MTCH2: variants seen among roughly 807,000 people sequenced by gnomAD.
The protein encoded by MTCH2 is mitochondrial carrier homolog 2.
A neutral mutation model predicts 50.6 loss-of-function variants in MTCH2; 25 were observed. The observed-to-expected ratio is 0.49, with a 90% confidence interval of 0.36 to 0.69. MTCH2 has a LOEUF of 0.69. Among genes scored for constraint, MTCH2 ranks in the 30% least tolerant of loss-of-function variants. The pLI is 0.00. For missense variants in MTCH2, 273 were observed against 384.4 expected, an observed-to-expected ratio of 0.71 and a Z score of 2.42; for synonymous variants, 106 against 132.0, an observed-to-expected ratio of 0.80 and a Z score of 1.35.
chr11:47,627,167 A>T (rs2097298951), intron 9 of MTCH2, 40 bp from the exon 10 acceptor site: 1 of 1,325,674 alleles, frequency 7.5e-7, no homozygotes, highest in Non-Finnish European at 1.1e-6. Flanking sequence ...TACCTACAAC[A>T]CTACAACACA....
At chr11:47,624,567 G>A (rs1163605676) in intron 11 of MTCH2, among the ~76,000 whole-genome samples, 1 of 152,208 alleles carries the variant, frequency 6.6e-6, no homozygotes, top group Non-Finnish European at 1.5e-5. Flanking sequence ...TTAAGAGGCT[G>A]AGGAAGGAGA....
rs183389362 is a variant in MTCH2 at position 47,638,332 on chromosome 11, C to T, written c.279+367G>A. Among the ~76,000 whole-genome samples the T allele has an allele frequency of 4.8e-4, 36 of 74,758 alleles. No individual in the cohort carries two copies. The South Asian group carries it at 0.016, about 33-fold the overall frequency. 49.0% of individuals were successfully genotyped at this position (74,758 alleles called of 152,430 possible). On this transcript the variant is annotated intron_variant, in intron 3 of 12. Coordinates refer to ENST00000302503, the MANE Select transcript of MTCH2 (RefSeq NM_014342.4). ...ATCCCAGCACTTTGGGAGGCCGAGG[C>T]GGGCGGATCACGAGGTCAGGATATT...
At chr11:47,614,834 T>G (rs778668675), downstream of MTCH2, among the ~76,000 whole-genome samples, 17 of 152,150 alleles carry the variant, frequency 1.1e-4, no homozygotes, top group Non-Finnish European at 1.3e-4. Flanking sequence ...CACCTCGGCC[T>G]CCCAAAGTTC....
chr11:47,623,376 T>A (rs4752855), intron 11 of MTCH2, among the ~76,000 whole-genome samples: 66,024 of 100,748 alleles, frequency 0.66, 19,542 homozygotes, highest in East Asian at 0.73. Context: ...AGTCTTTTTT[T>A]AAAAAAAAAA....
chr11:47,604,369 A>G, the MTCH2 span, among the ~76,000 whole-genome samples: 18 of 152,230 alleles, frequency 1.2e-4, no homozygotes, highest in East Asian at 3.5e-3. Flanking sequence ...TATACATTCT[A>G]TTGGTGAGAT....
intron 7 of MTCH2, 44 bp from the exon 8 acceptor site, chr11:47,630,658 T>A (rs959729342): frequency 1.3e-6 from 2 of 1,535,402 alleles, no homozygotes; most frequent in East Asian, 2.2e-5. Flanking sequence ...AAGATTCTTT[T>A]GGAGCTATAA....
chr11:47,629,183 A>C, intron 8 of MTCH2, 137 bp from the exon 9 acceptor site: 1 of 691,046 alleles, frequency 1.4e-6, no homozygotes, highest in Non-Finnish European at 2.5e-6. Flanking sequence ...AAACACCAGA[A>C]TCCAGCCCGC....
intron 10 of MTCH2, among the ~76,000 whole-genome samples, chr11:47,626,468 C>T (rs1295913759): frequency 6.6e-6 from 1 of 151,722 alleles, no homozygotes; most frequent in Non-Finnish European, 1.5e-5. Context: ...GCCACCATGT[C>T]TGGCCTGAAC....
chr11:47,625,862 G>A lies in MTCH2; in HGVS notation c.682-121C>T, dbSNP rs1438258831. Reference sequence around the variant, plus strand: ...ACTCTAACACTTGTCTCGCTTCATCGGTACCCTGGAAAGACAACAGTTACA... The same window carrying A: ...ACTCTAACACTTGTCTCGCTTCATCAGTACCCTGGAAAGACAACAGTTACA... On this transcript the variant is annotated intron_variant, in intron 10 of 12. Coordinates refer to ENST00000302503, the MANE Select transcript of MTCH2 (RefSeq NM_014342.4). 1.7e-5 allele frequency: 11 copies of A among 666,364 alleles called. 1 individual carries two copies. Among genetic ancestry groups the A allele is most frequent in the Admixed American group, 2.9e-5 (1 of 34,622 alleles). 41.3% of individuals were successfully genotyped at this position (666,364 alleles called of 1,614,324 possible). A position where few individuals can be genotyped will look rare whatever the true frequency, so the allele number is the denominator to read the frequency against.
the MTCH2 span, among the ~76,000 whole-genome samples, chr11:47,606,926 C>T: frequency 2.6e-5 from 4 of 152,214 alleles, no homozygotes; most frequent in Non-Finnish European, 4.4e-5. Context: ...GTCTCCAGCT[C>T]AGTGCCTGCT....
the MTCH2 span, among the ~76,000 whole-genome samples, chr11:47,610,052 C>A: frequency 1.2e-3 from 184 of 152,252 alleles, no homozygotes; most frequent in Middle Eastern, 0.014. Context: ...CCACCACAGG[C>A]TTGGGAAGAG....
intron 10 of MTCH2, 96 bp from the exon 11 acceptor site, chr11:47,625,837 ACT>A (rs2097297645): frequency 8.0e-6 from 7 of 875,766 alleles, no homozygotes; most frequent in Non-Finnish European, 1.3e-5. Context: ...GCGGTGAGAC[ACT>A]CTAACACTTG....
At position 47,627,084 on chromosome 11, in the gene MTCH2, G is replaced by T; in HGVS notation, c.677C>A (p.Thr226Lys). 1 of 1,595,682 alleles carries T rather than the reference G, an allele frequency of 6.3e-7. No individual in the cohort carries two copies. Among genetic ancestry groups the T allele is most frequent in the Non-Finnish European group, 8.5e-7 (1 of 1,169,610 alleles). Residue 226 changes from threonine (T) to lysine (K), a missense_variant, in exon 10 of 13, where the codon ACA becomes AAA. Thr to Lys is a moderately conservative substitution (Grantham distance 78). Around this residue, in one of 2 missense-constraint regions of MTCH2, gnomAD observed 70 missense variants for 140.1 expected, o/e 0.50. Coordinates refer to ENST00000302503, the MANE Select transcript of MTCH2 (RefSeq NM_014342.4). ...AAAGGATTTTAAAAAACTCACTCCT[G>T]TGACAGCTTGAGAATAACTCTTCAT... ...NEMKSYSQAVTGFFASMLTYP... is the reference protein window; with the variant it reads ...NEMKSYSQAVKGFFASMLTYP...
chr11:47,609,779 T>G, the MTCH2 span, among the ~76,000 whole-genome samples: 1 of 152,224 alleles, frequency 6.6e-6, no homozygotes, highest in African/African-American at 2.4e-5. Flanking sequence ...ATGGTAGAAC[T>G]CCAGCTTTAT....
intron 9 of MTCH2, 118 bp from the exon 10 acceptor site, chr11:47,627,245 C>T: frequency 1.4e-6 from 1 of 705,330 alleles, no homozygotes. Flanking sequence ...CACTCTGTCA[C>T]CCAGGCTGAA....
At chr11:47,631,812 G>GAAAA in intron 5 of MTCH2, 101 bp from the exon 6 acceptor site, 1 of 1,205,312 alleles carries the variant, frequency 8.3e-7, no homozygotes, top group Non-Finnish European at 1.2e-6. Context: ...ATAAGAAAGT[G>GAAAA]AATGACACAG....
chr11:47,640,742 A>G (rs2097313363), intron 1 of MTCH2, among the ~76,000 whole-genome samples: 1 of 152,124 alleles, frequency 6.6e-6, no homozygotes, highest in Non-Finnish European at 1.5e-5. Flanking sequence ...ACAACTGAGC[A>G]TTTGGGAATT....
intron 5 of MTCH2, among the ~76,000 whole-genome samples, chr11:47,633,644 C>A (rs2097305767): frequency 6.7e-6 from 1 of 148,488 alleles, no homozygotes; most frequent in Admixed American, 6.8e-5. Flanking sequence ...TCAAGCCATT[C>A]TCCTGCCTCA....
rs879071267 is a variant in MTCH2, at chr11:47,629,103, G to T, written c.540-57C>A. Reference sequence around the variant, plus strand: ...AAAAATGTGATCAGTAACATGACAGGCTCTTCAGTACAAATGTTTGTCAAA... The same window carrying T: ...AAAAATGTGATCAGTAACATGACAGTCTCTTCAGTACAAATGTTTGTCAAA... On this transcript the variant is annotated intron_variant, in intron 8 of 12. Coordinates refer to ENST00000302503, the MANE Select transcript of MTCH2 (RefSeq NM_014342.4). 3.8e-5 allele frequency: 51 copies of T among 1,359,084 alleles called. 1 individual carries two copies. The South Asian group carries it at 5.6e-4, about 15-fold the overall frequency. The allele number at this position is 1,359,084 out of a possible 1,614,324, so 84.2% of individuals were successfully genotyped here.
Sources: gnomAD v4.1 joint callset for allele counts (sites outside exome capture counted in the v4.1 genomes callset) on GRCh38, gnomAD v4.1.1 for gene constraint, gnomAD v4.1.1 regional missense constraint, MANE v1.5 for transcripts, NCBI Gene and HGNC (gene_info 2026-07-23, HGNC 2026-07-21) for gene names.